DHX40: variants seen among roughly 807,000 people sequenced by gnomAD.
DHX40 encodes the protein probable ATP-dependent RNA helicase DHX40.
In DHX40, 28 loss-of-function variants were observed where a neutral mutation model predicts 89.6. The observed-to-expected ratio is 0.31, with a 90% CI of 0.23 to 0.43. The LOEUF is 0.43. Among genes scored for constraint, DHX40 ranks in the 20% least tolerant of loss-of-function variants. DHX40 has a pLI of 1.00. For missense variants in DHX40, 457 were observed against 844.0 expected (o/e 0.54, Z 5.68); for synonymous variants, 226 against 283.6 (o/e 0.80, Z 2.04).
At chr17:59,565,916 C>G in intron 1 of DHX40, 133 bp downstream of exon 1, 1 of 753,772 alleles carries the variant, frequency 1.3e-6, no homozygotes, top group Non-Finnish European at 2.0e-6. Context: ...GCTTTCCAAG[C>G]CCGAGGCGAA....
chr17:59,583,504 A>G (rs2048963424), intron 10 of DHX40, among the ~76,000 whole-genome samples: 1 of 121,562 alleles, frequency 8.2e-6, no homozygotes, highest in Non-Finnish European at 1.9e-5. Context: ...GGGATGTACA[A>G]TAGCAAATAC....
chr17:59,598,212 T>C (rs532866774), intron 12 of DHX40, among the ~76,000 whole-genome samples: 3 of 152,118 alleles, frequency 2.0e-5, no homozygotes, highest in South Asian at 2.1e-4. Context: ...TGTACTGATA[T>C]GGAGTTGTTA....
chr17:59,577,407 C>T (rs776040179), intron 8 of DHX40, 42 bp downstream of exon 8: 11 of 1,505,378 alleles, frequency 7.3e-6, no homozygotes, highest in South Asian at 3.4e-5. Flanking sequence ...GGAAGCCTAT[C>T]GTTACTAAAC....
chr17:59,585,861 G>C (rs2048987587), intron 10 of DHX40, among the ~76,000 whole-genome samples: 1 of 149,172 alleles, frequency 6.7e-6, no homozygotes, highest in African/African-American at 2.5e-5. Flanking sequence ...GAGTAGACTT[G>C]ACAGGCTGTG....
At chr17:59,602,404 C>G in intron 14 of DHX40, 118 bp from the exon 15 acceptor site, 1 of 829,000 alleles carries the variant, frequency 1.2e-6, no homozygotes, top group Non-Finnish European at 1.8e-6. Flanking sequence ...TAAATCTGGT[C>G]TCTCTTAATC....
At chr17:59,605,729 G>C in intron 17 of DHX40, 55 bp downstream of exon 17, 2 of 1,483,330 alleles carry the variant, frequency 1.3e-6, no homozygotes. Flanking sequence ...CTTCCCAGTA[G>C]TACTTCACTA....
At chr17:59,581,029 C>G (rs941329480) in intron 10 of DHX40, among the ~76,000 whole-genome samples, 1 of 150,330 alleles carries the variant, frequency 6.7e-6, no homozygotes, top group African/African-American at 2.5e-5. Context: ...CTGCAACGTG[C>G]CAAGATCACA....
intron 13 of DHX40, 41 bp downstream of exon 13, chr17:59,598,892 A>G (rs747709875): frequency 1.4e-6 from 2 of 1,449,358 alleles, no homozygotes; most frequent in Non-Finnish European, 9.7e-7. Flanking sequence ...TGTCAATTTG[A>G]TGTATAGTTC....
At position 59,565,872 on chromosome 17, in the gene DHX40, A is replaced by C. The variant is rs1270355455; in HGVS notation, c.112+89A>C. 5 of 1,170,368 alleles carry C rather than the reference A, an allele frequency of 4.3e-6. No homozygotes were observed. The African/African-American group carries it at 4.7e-5, about 11-fold the overall frequency. 72.5% of individuals were successfully genotyped at this position (1,170,368 alleles called of 1,614,324 possible). A position where few individuals can be genotyped will look rare whatever the true frequency, so the allele number is the denominator to read the frequency against. The stretch of plus-strand genomic sequence containing the variant: ...ATGAAAGTACGCCTTTGGCAGGCTG[A>C]GAAGAGTAGTGAGGAAGCCGTGGCG... On this transcript the variant is annotated intron_variant, in intron 1 of 17. Coordinates refer to ENST00000251241, the MANE Select transcript of DHX40 (RefSeq NM_024612.5).
rs2048792320 is a variant in DHX40 at position 59,570,577 on chromosome 17, G to T, written c.340G>T (p.Val114Phe). The T allele has an allele frequency of 6.2e-7, 1 of 1,610,260 alleles. No individual in the cohort carries two copies. Among genetic ancestry groups the T allele is most frequent in the Non-Finnish European group, 8.5e-7 (1 of 1,178,324 alleles). Reference sequence around the variant, plus strand: ...ACCACGAAAAGTAGCTGCTATATCAGTTGCTCAGAGAGTAGCTGAAGAAAT... The same window carrying T: ...ACCACGAAAAGTAGCTGCTATATCATTTGCTCAGAGAGTAGCTGAAGAAAT... Reference protein sequence around the residue: ...TQPRKVAAISVAQRVAEEMKC... With the variant: ...TQPRKVAAISFAQRVAEEMKC... Residue 114 changes from valine (V) to phenylalanine (F), a missense_variant, in exon 3 of 18, where the codon GTT (valine) becomes TTT (phenylalanine). Coordinates refer to ENST00000251241, the MANE Select transcript of DHX40 (RefSeq NM_024612.5).
At chr17:59,574,516 A>G (rs1598144018) in intron 6 of DHX40, among the ~76,000 whole-genome samples, 1 of 145,596 alleles carries the variant, frequency 6.9e-6, no homozygotes, top group Non-Finnish European at 1.5e-5. Flanking sequence ...TGTCAAAGAC[A>G]TAGTAGTATA....
Position 59,573,118 on chromosome 17 carries a change from G to T in DHX40, c.429G>T (p.Glu143Asp). The change falls in exon 4 of 18, where the codon GAG becomes GAT. Residue 143 changes from glutamate to aspartate, a missense_variant and splice_region_variant. By Grantham distance (45) the Glu-to-Asp change is conservative (BLOSUM62 2). Transcript: ENST00000251241. ...TGACACTGCTGTTTGAACATTAGGA[G>T]ACAGCAATCAAATATATGACTGATG... The part of the protein sequence containing the change: ...QVRFDDCSSK[E>D]TAIKYMTDGC... The T allele has an allele frequency of 6.2e-7, 1 of 1,605,788 alleles. No homozygotes were observed. The highest frequency in any genetic ancestry group is 8.5e-7 in the Non-Finnish European group (1 of 1,177,788).
At position 59,607,371 on chromosome 17, in the gene DHX40, G is replaced by T. The variant is rs937468647; in HGVS notation, c.*199G>T. ...CAGTTGTCAAAGAAAAGATTTGGTT[G>T]CCATAGTCATAAGCAATGATACATG... On this transcript the variant is annotated 3_prime_UTR_variant, in exon 18 of 18. Transcript: ENST00000251241. 7.0e-5 allele frequency: 71 copies of T among 1,015,842 alleles called. No homozygotes were observed. Among genetic ancestry groups the T allele is most frequent in the South Asian group, 3.8e-4 (27 of 71,774 alleles). The allele number at this position is 1,015,842 out of a possible 1,614,324, so 62.9% of individuals were successfully genotyped here.
At chr17:59,572,278 G>A (rs1156478241) in intron 3 of DHX40, among the ~76,000 whole-genome samples, 1 of 152,054 alleles carries the variant, frequency 6.6e-6, no homozygotes, top group East Asian at 1.9e-4. Flanking sequence ...CCTTCCTAGT[G>A]GTCACTGTTT....
At chr17:59,596,684 A>G (rs1598171270) in intron 12 of DHX40, among the ~76,000 whole-genome samples, 1 of 152,244 alleles carries the variant, frequency 6.6e-6, no homozygotes, top group East Asian at 1.9e-4. Context: ...TCTGAGATAA[A>G]TCATATTCTT....
chr17:59,570,756 T>TACAGAGAG, intron 3 of DHX40, 93 bp downstream of exon 3: 1 of 1,345,900 alleles, frequency 7.4e-7, no homozygotes. Context: ...CAATCATGGC[T>TACAGAGAG]CTCTGTAGCC....
intron 2 of DHX40, 62 bp downstream of exon 2, chr17:59,566,856 G>A: frequency 7.0e-7 from 1 of 1,430,592 alleles, no homozygotes; most frequent in Non-Finnish European, 9.3e-7. Context: ...TTAAAGGCCA[G>A]TAGGACTTCT....
At chr17:59,605,324 C>G in intron 16 of DHX40, 122 bp from the exon 17 acceptor site, 1 of 1,272,078 alleles carries the variant, frequency 7.9e-7, no homozygotes. Context: ...TATTGGTTGG[C>G]CTGTGCCTCC....
At chr17:59,571,333 T>C (rs1395259591) in intron 3 of DHX40, among the ~76,000 whole-genome samples, 2 of 151,708 alleles carry the variant, frequency 1.3e-5, no homozygotes, top group Non-Finnish European at 2.9e-5. Context: ...GGTGCATGCC[T>C]GTAATCCCAG....
Sources: gnomAD v4.1 joint callset for allele counts (sites outside exome capture counted in the v4.1 genomes callset) on GRCh38, gnomAD v4.1.1 for gene constraint, MANE v1.5 for transcripts, NCBI Gene and HGNC (gene_info 2026-07-23, HGNC 2026-07-21) for gene names.